SMOC1: variants seen among roughly 807,000 people sequenced by gnomAD.
SMOC1 encodes SPARC related modular calcium binding 1.
A neutral mutation model predicts 56.3 loss-of-function variants in SMOC1; 22 were observed. The ratio of observed to expected loss-of-function variants is 0.39; its 90% CI spans 0.28 to 0.56. SMOC1 has a LOEUF of 0.56. Ranked by LOEUF, SMOC1 falls within the 20% of genes least tolerant of loss-of-function variation. The pLI is 0.61. For missense variants in SMOC1, 509 were observed against 565.4 expected, an observed-to-expected ratio of 0.90 and a Z score of 1.01; for synonymous variants, 193 against 215.0, an observed-to-expected ratio of 0.90 and a Z score of 0.89.
chr14:69,965,005 C>T (rs1883515606), intron 3 of SMOC1, among the ~76,000 whole-genome samples: 1 of 152,134 alleles, frequency 6.6e-6, no homozygotes, highest in Admixed American at 6.5e-5. Flanking sequence ...AGGAGGGTGA[C>T]TCAGGTGAGT....
At chr14:69,950,732 A>G (rs1030496932) in intron 1 of SMOC1, among the ~76,000 whole-genome samples, 2 of 152,228 alleles carry the variant, frequency 1.3e-5, no homozygotes, top group Non-Finnish European at 2.9e-5. Context: ...ATGGATTGTA[A>G]TAGCCCAATT....
chr14:69,919,911 C>CT (rs1884788351), intron 1 of SMOC1, among the ~76,000 whole-genome samples: 1 of 35,792 alleles, frequency 2.8e-5, no homozygotes, highest in African/African-American at 8.8e-5. Context: ...AACACAAATA[C>CT]CCCCCCCCCC....
At chr14:69,984,270 A>C (rs1031592781) in intron 5 of SMOC1, among the ~76,000 whole-genome samples, 2 of 152,382 alleles carry the variant, frequency 1.3e-5, no homozygotes, top group Non-Finnish European at 2.9e-5. Context: ...ACCTGATATG[A>C]AAATGAATTC....
chr14:69,939,797 T>A (rs1425671508), intron 1 of SMOC1, among the ~76,000 whole-genome samples: 1 of 152,192 alleles, frequency 6.6e-6, no homozygotes, highest in African/African-American at 2.4e-5. Context: ...CACTTTGGTG[T>A]GCCTTGGATA....
intron 7 of SMOC1, among the ~76,000 whole-genome samples, chr14:69,995,537 T>G (rs1884732833): frequency 6.6e-6 from 1 of 152,190 alleles, no homozygotes; most frequent in Non-Finnish European, 1.5e-5. Flanking sequence ...GTGCAGTGGT[T>G]AAAGCACAGG....
At chr14:69,988,916 A>G (rs890552163) in intron 5 of SMOC1, among the ~76,000 whole-genome samples, 1 of 152,222 alleles carries the variant, frequency 6.6e-6, no homozygotes, top group Non-Finnish European at 1.5e-5. Flanking sequence ...GTATGCTATC[A>G]TATGGATATA....
At chr14:69,981,477 C>G (rs561948901) in intron 5 of SMOC1, among the ~76,000 whole-genome samples, 4 of 152,296 alleles carry the variant, frequency 2.6e-5, no homozygotes, top group African/African-American at 7.2e-5. Context: ...TGGCTGCCCC[C>G]TCCCCTTCTT....
At chr14:69,889,529 T>C (rs1883904178) in intron 1 of SMOC1, among the ~76,000 whole-genome samples, 1 of 152,180 alleles carries the variant, frequency 6.6e-6, no homozygotes, top group Admixed American at 6.5e-5. Context: ...GCTAGTAATC[T>C]GGCCTCTTAG....
At chr14:70,023,053 C>T (rs1385707463) in intron 10 of SMOC1, 150 bp from the exon 11 acceptor site, 7 of 1,154,948 alleles carry the variant, frequency 6.1e-6, no homozygotes, top group South Asian at 2.6e-5. Context: ...GATGGCTTAA[C>T]GTTGCCACAG....
chr14:69,935,404 G>T (rs1038752992), intron 1 of SMOC1, among the ~76,000 whole-genome samples: 1 of 151,922 alleles, frequency 6.6e-6, no homozygotes, highest in Admixed American at 6.5e-5. Context: ...TCCAGCACAA[G>T]TCATCCTTAG....
At chr14:69,975,525 C>T (rs895880427) in intron 3 of SMOC1, among the ~76,000 whole-genome samples, 190 bp from the exon 4 acceptor site, 1 of 152,186 alleles carries the variant, frequency 6.6e-6, no homozygotes. Context: ...GGGAGTCCCA[C>T]AGCAACCATG....
Position 69,905,649 on chromosome 14 carries a change from T to C in SMOC1, c.99+25872T>C, listed in dbSNP as rs562726212. ...CCATGCGCATCTGAGTTAAGGTCAA[T>C]GAGTTGATAGTGGGGTTGAAGAAAA... On this transcript the variant is annotated intron_variant, in intron 1 of 11. Coordinates refer to ENST00000361956, the MANE Select transcript of SMOC1 (RefSeq NM_001034852.3). Among the ~76,000 whole-genome samples the C allele has an allele frequency of 5.7e-4, 87 of 151,956 alleles. 1 individual carries two copies. The highest frequency in any genetic ancestry group is 2.1e-3 in the African/African-American group (86 of 41,458).
chr14:69,918,238 T>TA (rs1566672614), intron 1 of SMOC1, among the ~76,000 whole-genome samples: 10 of 150,154 alleles, frequency 6.7e-5, no homozygotes, highest in African/African-American at 2.0e-4. Context: ...ATATATATAT[T>TA]TTTTTTTTGA....
At chr14:70,006,575 G>C (rs1885154887) in intron 7 of SMOC1, among the ~76,000 whole-genome samples, 1 of 152,246 alleles carries the variant, frequency 6.6e-6, no homozygotes, top group Non-Finnish European at 1.5e-5. Flanking sequence ...AGGAGGTCTA[G>C]ATGTTTCAGT....
intron 7 of SMOC1, among the ~76,000 whole-genome samples, chr14:70,002,429 G>A (rs892661291): frequency 6.6e-6 from 1 of 152,176 alleles, no homozygotes; most frequent in Non-Finnish European, 1.5e-5. Context: ...GTTTGCCAGC[G>A]ATGTTTGCTT....
chr14:69,989,434 A>G (rs1340585201), intron 5 of SMOC1, among the ~76,000 whole-genome samples: 1 of 152,196 alleles, frequency 6.6e-6, no homozygotes, highest in Non-Finnish European at 1.5e-5. Context: ...AAAAACTTTG[A>G]TAGGATTTTA....
In SMOC1 at chr14:70,011,466, C is replaced by CCCCCCAAAAAA; in HGVS notation, c.858-19_858-18insCCCCCAAAAAA. On this transcript the variant is annotated intron_variant, in intron 8 of 11. Coordinates refer to ENST00000361956, the MANE Select transcript of SMOC1 (RefSeq NM_001034852.3). Reference sequence around the variant, plus strand: ...GTTGCCAGCCCCTCCCAACCCCCCCCATATCTCTCTTTTCCCAGCTACGTG... The same window carrying CCCCCCAAAAAA: ...GTTGCCAGCCCCTCCCAACCCCCCCCCCCCCAAAAAAATATCTCTCTTTTCCCAGCTACGTG... The CCCCCCAAAAAA allele has an allele frequency of 6.4e-7, 1 of 1,561,720 alleles. No individual in the cohort carries two copies. Among genetic ancestry groups the CCCCCCAAAAAA allele is most frequent in the Non-Finnish European group, 8.8e-7 (1 of 1,133,454 alleles).
At chr14:69,890,041 G>A (rs891090279) in intron 1 of SMOC1, among the ~76,000 whole-genome samples, 3 of 152,146 alleles carry the variant, frequency 2.0e-5, no homozygotes, top group Admixed American at 6.5e-5. Flanking sequence ...ATTAGGATTA[G>A]CACATGGACA....
intron 1 of SMOC1, among the ~76,000 whole-genome samples, chr14:69,886,964 A>G (rs1883825813): frequency 6.6e-6 from 1 of 152,232 alleles, no homozygotes; most frequent in Non-Finnish European, 1.5e-5. Context: ...TCTGAAGTTG[A>G]GTATTCACAT....
Sources: allele counts gnomAD v4.1 joint callset (sites outside exome capture counted in the v4.1 genomes callset), GRCh38; gene constraint gnomAD v4.1.1; transcripts MANE v1.5; gene names NCBI Gene and HGNC (gene_info 2026-07-23, HGNC 2026-07-21).